The following GABRB1 variants were observed in gnomAD, a reference collection of about 807,000 sequenced individuals.
GABRB1 encodes the protein gamma-aminobutyric acid type A receptor subunit beta1.
In GABRB1, 17 loss-of-function variants were observed where a neutral mutation model predicts 51.6. That is an observed-to-expected ratio of 0.33 (90% CI 0.23 to 0.49). GABRB1 has a LOEUF of 0.49. Ranked by LOEUF, GABRB1 falls within the 20% of genes least tolerant of loss-of-function variation. The probability of loss-of-function intolerance (pLI) is 0.99; values close to 1 mark genes in which losing one functional copy is unlikely to be tolerated. For missense variants in GABRB1, 410 were observed against 600.6 expected, an observed-to-expected ratio of 0.68 and a Z score of 3.32; for synonymous variants, 247 against 218.9, an observed-to-expected ratio of 1.13 and a Z score of -1.14.
At chr4:47,212,922 A>G (rs1720420758) in intron 4 of GABRB1, among the ~76,000 whole-genome samples, 1 of 152,192 alleles carries the variant, frequency 6.6e-6, no homozygotes, top group Admixed American at 6.5e-5. Flanking sequence ...GGTCAAGGAT[A>G]AAACAAAACA....
At chr4:47,154,936 T>C (rs1419054286) in intron 3 of GABRB1, among the ~76,000 whole-genome samples, 1 of 152,126 alleles carries the variant, frequency 6.6e-6, no homozygotes, top group African/African-American at 2.4e-5. Context: ...TAATTCTTAG[T>C]TGTATCTTTG....
At chr4:47,045,045 A>T (rs753967361) in intron 3 of GABRB1, among the ~76,000 whole-genome samples, 4 of 152,098 alleles carry the variant, frequency 2.6e-5, no homozygotes, top group Non-Finnish European at 4.4e-5. Flanking sequence ...ACAAGGGCTT[A>T]GCCTAAGGGT....
intron 4 of GABRB1, among the ~76,000 whole-genome samples, chr4:47,238,146 C>G (rs887489442): frequency 3.3e-5 from 5 of 151,728 alleles, no homozygotes; most frequent in South Asian, 4.2e-4. Context: ...AATGGATATG[C>G]CTGAACATGT....
chr4:47,350,467 G>C (rs1429992290), intron 5 of GABRB1, among the ~76,000 whole-genome samples: 1 of 151,640 alleles, frequency 6.6e-6, no homozygotes, highest in Non-Finnish European at 1.5e-5. Context: ...ACTTATGCGG[G>C]TCATTACATT....
intron 4 of GABRB1, among the ~76,000 whole-genome samples, chr4:47,212,298 A>G (rs987654445): frequency 6.6e-6 from 1 of 152,146 alleles, no homozygotes; most frequent in Admixed American, 6.5e-5. Context: ...GCGGGAGGCC[A>G]CTAACAACAT....
intron 3 of GABRB1, among the ~76,000 whole-genome samples, chr4:47,062,376 A>G (rs942745434): frequency 3.3e-5 from 5 of 151,234 alleles, no homozygotes; most frequent in Admixed American, 1.3e-4. Flanking sequence ...ACCTGTTTAC[A>G]TCAGAAAATG....
intron 1 of GABRB1, among the ~76,000 whole-genome samples, chr4:46,994,598 G>T (rs1169934287): frequency 6.6e-6 from 1 of 151,852 alleles, no homozygotes; most frequent in Admixed American, 6.6e-5. Flanking sequence ...ACAAATATTA[G>T]TTCCCTTGTG....
At chr4:47,084,886 C>A (rs1323801623) in intron 3 of GABRB1, among the ~76,000 whole-genome samples, 2 of 152,128 alleles carry the variant, frequency 1.3e-5, no homozygotes, top group African/African-American at 2.4e-5. Flanking sequence ...AAACCAATTT[C>A]TTGGTTCTCT....
intron 4 of GABRB1, among the ~76,000 whole-genome samples, chr4:47,274,390 C>A (rs181535198): frequency 6.6e-6 from 1 of 152,060 alleles, no homozygotes; most frequent in South Asian, 2.1e-4. Context: ...ACTTGAGGCC[C>A]GTTATTATTA....
chr4:47,403,174 TC>T (rs1439879492), intron 5 of GABRB1, 143 bp from the exon 6 acceptor site: 1 of 761,810 alleles, frequency 1.3e-6, no homozygotes, highest in Non-Finnish European at 2.1e-6. Context: ...GAAATAGCAC[TC>T]CACATGAGAC....
chr4:47,371,748 G>A (rs1727204987), intron 5 of GABRB1, among the ~76,000 whole-genome samples: 1 of 152,158 alleles, frequency 6.6e-6, no homozygotes, highest in Non-Finnish European at 1.5e-5. Context: ...TTTGAGAAAT[G>A]CCTGTTCATG....
chr4:47,268,004 T>A (rs1396927989), intron 4 of GABRB1, among the ~76,000 whole-genome samples: 1 of 152,000 alleles, frequency 6.6e-6, no homozygotes, highest in African/African-American at 2.4e-5. Context: ...GGAAGAAAAC[T>A]TAAATCATAT....
At chr4:47,315,296 T>C (rs1207633945) in intron 4 of GABRB1, among the ~76,000 whole-genome samples, 1 of 151,966 alleles carries the variant, frequency 6.6e-6, no homozygotes, top group East Asian at 1.9e-4. Flanking sequence ...TCAACTTCAC[T>C]AATCATTAAA....
At chr4:47,205,348 T>G (rs971899578) in intron 4 of GABRB1, among the ~76,000 whole-genome samples, 2 of 152,182 alleles carry the variant, frequency 1.3e-5, no homozygotes, top group African/African-American at 4.8e-5. Flanking sequence ...GAATTATGAT[T>G]AAGTCACATA....
intron 3 of GABRB1, among the ~76,000 whole-genome samples, chr4:47,125,775 T>G (rs1350753240): frequency 6.7e-6 from 1 of 148,736 alleles, no homozygotes; most frequent in African/African-American, 2.4e-5. Context: ...CGGGATGGTC[T>G]CAATCTCCTG....
intron 4 of GABRB1, among the ~76,000 whole-genome samples, chr4:47,208,666 T>G (rs1209266660): frequency 6.6e-6 from 1 of 152,096 alleles, no homozygotes; most frequent in East Asian, 1.9e-4. Flanking sequence ...ACATCAATAG[T>G]TGTGAAAGGC....
chr4:47,378,900 T>C (rs1727494107), intron 5 of GABRB1, among the ~76,000 whole-genome samples: 1 of 152,150 alleles, frequency 6.6e-6, no homozygotes, highest in South Asian at 2.1e-4. Flanking sequence ...TGGCAAGTGG[T>C]AGAGCTGAGA....
intron 3 of GABRB1, among the ~76,000 whole-genome samples, chr4:47,066,236 T>C (rs556439142): frequency 6.6e-6 from 1 of 152,360 alleles, no homozygotes; most frequent in Admixed American, 6.5e-5. Context: ...TGCATGTACC[T>C]TAATTTAAAA....
chr4:47,159,832 G>T (rs1052842742), intron 3 of GABRB1, among the ~76,000 whole-genome samples: 8 of 151,936 alleles, frequency 5.3e-5, no homozygotes, highest in African/African-American at 1.9e-4. Flanking sequence ...TTTCCCCACT[G>T]GTATATATAA....
Sources: gnomAD v4.1 joint callset for allele counts (sites outside exome capture counted in the v4.1 genomes callset) on GRCh38, gnomAD v4.1.1 for gene constraint, MANE v1.5 for transcripts, NCBI Gene and HGNC (gene_info 2026-07-23, HGNC 2026-07-21) for gene names.